Variants in ATAD1 observed in about 807,000 individuals in gnomAD.
ATAD1 encodes ATPase family AAA domain containing 1, also known as outer mitochondrial transmembrane helix translocase.
A neutral mutation model predicts 42.7 loss-of-function variants in ATAD1; 18 were observed. The ratio of observed to expected loss-of-function variants is 0.42; its 90% CI spans 0.29 to 0.63. ATAD1 has a LOEUF of 0.63. ATAD1 is among the 20% of genes least tolerant of loss of function. The probability of loss-of-function intolerance (pLI) is 0.19; values close to 1 mark genes in which losing one functional copy is unlikely to be tolerated. For missense variants in ATAD1, 294 were observed against 440.4 expected (o/e 0.67, Z 2.98); for synonymous variants, 132 against 143.1 (o/e 0.92, Z 0.55).
At chr10:87,787,203 T>C (rs753548396) in intron 4 of ATAD1, among the ~76,000 whole-genome samples, 2 of 152,204 alleles carry the variant, frequency 1.3e-5, no homozygotes, top group Non-Finnish European at 2.9e-5. Flanking sequence ...TATAACCAAC[T>C]TCAACAAATA....
At chr10:87,824,236 AG>A (rs1246266301) in intron 1 of ATAD1, among the ~76,000 whole-genome samples, 4 of 148,518 alleles carry the variant, frequency 2.7e-5, no homozygotes, top group Non-Finnish European at 5.9e-5. Flanking sequence ...AAAAAAGGGA[AG>A]GGGGGAGGAA....
intron 7 of ATAD1, among the ~76,000 whole-genome samples, chr10:87,768,188 A>T (rs1854854367): frequency 6.6e-6 from 1 of 152,170 alleles, no homozygotes; most frequent in Non-Finnish European, 1.5e-5. Context: ...ATTTTAATTT[A>T]GTGCTGATGA....
upstream of ATAD1, chr10:87,818,309 A>G: frequency 1.0e-6 from 1 of 964,160 alleles, no homozygotes; most frequent in East Asian, 1.2e-4. Flanking sequence ...GCCGGCGCGG[A>G]GGGGGCGTGC....
At chr10:87,835,692 T>C (rs1857917168) in intron 1 of ATAD1, among the ~76,000 whole-genome samples, 1 of 152,162 alleles carries the variant, frequency 6.6e-6, no homozygotes, top group Non-Finnish European at 1.5e-5. Flanking sequence ...ATTTTATTTA[T>C]TTGTTTTCTA....
At chr10:87,794,486 G>A (rs1006299215) in intron 2 of ATAD1, among the ~76,000 whole-genome samples, 1 of 152,168 alleles carries the variant, frequency 6.6e-6, no homozygotes, top group African/African-American at 2.4e-5. Flanking sequence ...TTCTTTTTAA[G>A]CAACGCTCGA....
intron 8 of ATAD1, among the ~76,000 whole-genome samples, chr10:87,761,049 A>G (rs987150618): frequency 1.3e-5 from 2 of 151,998 alleles, no homozygotes; most frequent in Non-Finnish European, 2.9e-5. Flanking sequence ...AGATGAACTC[A>G]AAGTCTGGAA....
Position 87,754,754 on chromosome 10 carries a change from AT to A in ATAD1, c.1018del (p.Ile340LeufsTer4). 6.2e-7 allele frequency: 1 copy of A among 1,613,806 alleles called. No individual in the cohort carries two copies. Among genetic ancestry groups the A allele is most frequent in the Non-Finnish European group, 8.5e-7 (1 of 1,179,806 alleles). On this transcript the variant is annotated frameshift_variant, in exon 10 of 10. Coordinates refer to ENST00000680024, the MANE Select transcript of ATAD1 (RefSeq NM_001321967.2). LOFTEE classifies it high-confidence loss of function. ...PVQQQDLHRA[I>X]EKMKKSKDAA... ...ATCCTTTGATTTCTTCATCTTTTCA[AT>A]TGCCCGATGCAGGTCCTGCTGTTGA...
chr10:87,816,862 C>T (rs1857439726), intron 1 of ATAD1, among the ~76,000 whole-genome samples: 1 of 152,132 alleles, frequency 6.6e-6, no homozygotes, highest in South Asian at 2.1e-4. Flanking sequence ...GGTGGCATTC[C>T]AGTAAAACGT....
chr10:87,767,801 T>C, intron 7 of ATAD1, 78 bp from the exon 8 acceptor site: 4 of 1,405,684 alleles, frequency 2.8e-6, no homozygotes, highest in Non-Finnish European at 3.9e-6. Flanking sequence ...CCTAATATTT[T>C]GTCCCTTCTA....
Position 87,814,627 on chromosome 10 carries a change from C to G in ATAD1, c.-13-15G>C. On this transcript the variant is annotated splice_polypyrimidine_tract_variant and intron_variant, in intron 1 of 9. Transcript: ENST00000680024. ...TGAATGTTAACCTTAAAAAAACAAA[C>G]AGAAATGTCACTAGGTAATAACTAT... The G allele has an allele frequency of 1.3e-6, 2 of 1,567,020 alleles. No homozygotes were observed. Among genetic ancestry groups the G allele is most frequent in the Non-Finnish European group, 1.7e-6 (2 of 1,158,302 alleles).
intron 7 of ATAD1, among the ~76,000 whole-genome samples, chr10:87,770,257 T>C (rs1001004813): frequency 3.9e-5 from 6 of 152,334 alleles, no homozygotes; most frequent in Admixed American, 3.9e-4. Context: ...ACATGTAACA[T>C]GCTGATTGTA....
chr10:87,829,107 C>A (rs1200667837), intron 1 of ATAD1, among the ~76,000 whole-genome samples: 1 of 152,158 alleles, frequency 6.6e-6, no homozygotes, highest in Admixed American at 6.5e-5. Context: ...GTAACTTCAA[C>A]TTTCAAGTCT....
chr10:87,813,480 A>G (rs1457192610), intron 2 of ATAD1, among the ~76,000 whole-genome samples: 1 of 152,062 alleles, frequency 6.6e-6, no homozygotes, highest in East Asian at 1.9e-4. Flanking sequence ...AGAATTCTCC[A>G]AAGTGCCTTT....
Position 87,793,167 on chromosome 10 carries a change from T to G in ATAD1, c.163-412A>C, listed in dbSNP as rs75354376. Reference sequence around the variant, plus strand: ...GGGCAAGAAATGTATAAGTGAAGTTTCTTTAAACTGAGTATCTGAAACAGA... The same window carrying G: ...GGGCAAGAAATGTATAAGTGAAGTTGCTTTAAACTGAGTATCTGAAACAGA... On this transcript the variant is annotated intron_variant, in intron 2 of 9. Transcript: ENST00000680024. 6.3e-4 allele frequency among the ~76,000 whole-genome samples: 96 copies of G among 152,318 alleles called. 1 individual carries two copies. The highest frequency in any genetic ancestry group is 2.2e-3 in the African/African-American group (90 of 41,568).
intron 3 of ATAD1, among the ~76,000 whole-genome samples, chr10:87,791,614 C>T (rs1484667553): frequency 1.3e-5 from 2 of 152,136 alleles, no homozygotes; most frequent in Non-Finnish European, 2.9e-5. Flanking sequence ...GTGTATGTCT[C>T]TGTATACACA....
chr10:87,831,246 A>G (rs1857823221), intron 1 of ATAD1, among the ~76,000 whole-genome samples: 1 of 151,380 alleles, frequency 6.6e-6, no homozygotes, highest in Non-Finnish European at 1.5e-5. Context: ...CATTGAACTT[A>G]TTTAAACATT....
chr10:87,826,740 C>G (rs374145257), intron 1 of ATAD1, among the ~76,000 whole-genome samples: 67 of 152,184 alleles, frequency 4.4e-4, no homozygotes, highest in African/African-American at 1.6e-3. Context: ...CTGTCCCTCT[C>G]TCACCCCTTC....
intron 1 of ATAD1, among the ~76,000 whole-genome samples, chr10:87,815,549 GA>G (rs945030171): frequency 6.6e-5 from 10 of 151,414 alleles, no homozygotes; most frequent in Non-Finnish European, 1.0e-4. Flanking sequence ...ACATAAACAT[GA>G]AAAAAAACAG....
upstream of ATAD1, among the ~76,000 whole-genome samples, chr10:87,821,793 A>G (rs1022003252): frequency 6.6e-6 from 1 of 152,228 alleles, no homozygotes; most frequent in Non-Finnish European, 1.5e-5. Flanking sequence ...ACCCTCCAGA[A>G]CTGGGAGAAA....
Sources: allele counts gnomAD v4.1 joint callset (sites outside exome capture counted in the v4.1 genomes callset), GRCh38; gene constraint gnomAD v4.1.1; transcripts MANE v1.5; gene names NCBI Gene and HGNC (gene_info 2026-07-23, HGNC 2026-07-21).